OPTN: variants seen among roughly 807,000 people sequenced by gnomAD.
The protein encoded by OPTN is E3-14.7K-interacting protein.
In OPTN, 54 loss-of-function variants were observed where a neutral mutation model predicts 70.4. The ratio of observed to expected loss-of-function variants is 0.77; its 90% confidence interval spans 0.62 to 0.96. The LOEUF is 0.96. Ranked by LOEUF, OPTN falls within the 40% of genes least tolerant of loss-of-function variation. OPTN has a pLI of 0.00. For missense variants in OPTN, 624 were observed against 673.2 expected, an observed-to-expected ratio of 0.93 and a Z score of 0.81; for synonymous variants, 256 against 248.5, an observed-to-expected ratio of 1.03 and a Z score of -0.28.
intron 3 of OPTN, among the ~76,000 whole-genome samples, chr10:13,109,931 C>A (rs1246863837): frequency 1.2e-3 from 5 of 4,106 alleles, no homozygotes; most frequent in African/African-American, 1.3e-3. Context: ...ATCCTGGTAT[C>A]TCAAGATGGC....
chr10:13,126,555 C>T (rs965336986), intron 11 of OPTN, among the ~76,000 whole-genome samples: 1 of 150,964 alleles, frequency 6.6e-6, no homozygotes, highest in Non-Finnish European at 1.5e-5. Context: ...GCTGGGATTA[C>T]AGGCGTGAGC....
At chr10:13,101,081 G>A (rs1308582860) in intron 1 of OPTN, among the ~76,000 whole-genome samples, 2 of 152,220 alleles carry the variant, frequency 1.3e-5, no homozygotes, top group Non-Finnish European at 2.9e-5. Context: ...TTGACCCAGG[G>A]AGAGAAGAGT....
rs781155160 is a variant in OPTN, at chr10:13,124,012, A to G, written c.900A>G (p.Glu300=). ...KGPETVGSEV[E]ALNLQVTSLF... ...TATGATAGGTTGGAAGCGAAGTGGA[A>G]GCACTGAACCTCCAGGTGACATCTC... The change falls in exon 9 of 15, where the codon GAA becomes GAG. Residue 300 remains glutamate, a synonymous_variant. Transcript: ENST00000378747. 7 of 1,613,610 alleles carry G rather than the reference A, an allele frequency of 4.3e-6. No homozygotes were observed. The South Asian group carries it at 6.6e-5, about 15-fold the overall frequency.
At chr10:13,136,070 G>A (rs116449582) in intron 14 of OPTN, among the ~76,000 whole-genome samples, 4,484 of 152,060 alleles carry the variant, frequency 0.029, 104 homozygotes, top group African/African-American at 0.057. Context: ...GCCTGTAGTC[G>A]CAGCTATTCA....
intron 4 of OPTN, 143 bp downstream of exon 4, chr10:13,110,619 T>G: frequency 2.4e-6 from 2 of 845,674 alleles, no homozygotes; most frequent in Admixed American, 2.3e-5. Flanking sequence ...GAAGAAGTGC[T>G]TTTGCTGAAA....
In OPTN at chr10:13,116,483, T is replaced by A. The variant is rs974903758; in HGVS notation, c.626+143T>A. The A allele has an allele frequency of 9.8e-6, 7 of 712,560 alleles. No homozygotes were observed. The East Asian group carries it at 1.8e-4, about 19-fold the overall frequency. The allele number at this position is 712,560 out of a possible 1,614,324, so 44.1% of individuals were successfully genotyped here. ...CCAGGATCTTTCCAGAATATTTGGT[T>A]TGAATGCTATTTAATGTTGCAGCTC... is the stretch of plus-strand genomic sequence containing the variant. On this transcript the variant is annotated intron_variant, in intron 6 of 14. Transcript: ENST00000378747.
At chr10:13,128,318 T>G (rs1440643159) in intron 12 of OPTN, among the ~76,000 whole-genome samples, 1 of 152,120 alleles carries the variant, frequency 6.6e-6, no homozygotes, top group Non-Finnish European at 1.5e-5. Context: ...AACAGAGAGT[T>G]TCCATGGCTC....
At chr10:13,116,191 G>T (rs1235208942) in intron 5 of OPTN, 76 bp from the exon 6 acceptor site, 5 of 1,022,894 alleles carry the variant, frequency 4.9e-6, no homozygotes, top group Non-Finnish European at 4.6e-6. Flanking sequence ...TTCATCTTTT[G>T]TCTTTTTCTT....
At chr10:13,109,042 T>G in intron 2 of OPTN, 70 bp from the exon 3 acceptor site, 2 of 1,409,536 alleles carry the variant, frequency 1.4e-6, no homozygotes, top group Non-Finnish European at 2.0e-6. Context: ...GCCAATGGGT[T>G]TGTGGGACTC....
rs1833008560 is a variant in OPTN, at chr10:13,111,852, T to G, written c.370-601T>G. On this transcript the variant is annotated intron_variant, in intron 4 of 14. Coordinates refer to ENST00000378747, the MANE Select transcript of OPTN (RefSeq NM_001008212.2). ...GTATTTGTTTTTTGACTGTTTTTTT[T>G]TTTTTTTTTTTTTGAGATGGAGTCT... Among the ~76,000 whole-genome samples the G allele has an allele frequency of 5.8e-5, 8 of 138,644 alleles. No individual in the cohort carries two copies. The South Asian group carries it at 2.0e-3, about 34-fold the overall frequency. The allele number at this position is 138,644 out of a possible 152,430, so 91.0% of individuals were successfully genotyped here. A position where few individuals can be genotyped will look rare whatever the true frequency, so the allele number is the denominator to read the frequency against.
At chr10:13,120,179 G>A (rs1406041825) in intron 7 of OPTN, among the ~76,000 whole-genome samples, 4 of 150,910 alleles carry the variant, frequency 2.7e-5, no homozygotes, top group Non-Finnish European at 4.4e-5. Context: ...TAGTAGAGAC[G>A]GGGTTTCACC....
In OPTN at chr10:13,123,730, C is replaced by A. The variant is rs1345522264; in HGVS notation, c.883-265C>A. Among the ~76,000 whole-genome samples the A allele has an allele frequency of 2.0e-5, 3 of 152,132 alleles. No individual in the cohort carries two copies. The East Asian group carries it at 5.8e-4, about 29-fold the overall frequency. On this transcript the variant is annotated intron_variant, in intron 8 of 14. Transcript: ENST00000378747. ...CCTGGAATAGGGTTCATTTTAATAG[C>A]GATAAAGTCATTATCCCAGTGCATC...
intron 6 of OPTN, among the ~76,000 whole-genome samples, chr10:13,117,891 G>A (rs993044158): frequency 7.9e-5 from 12 of 152,320 alleles, no homozygotes; most frequent in South Asian, 6.2e-4. Flanking sequence ...ATATTCTTTC[G>A]TCAAACACAG....
intron 14 of OPTN, among the ~76,000 whole-genome samples, chr10:13,134,359 C>A (rs900094726): frequency 4.6e-5 from 7 of 152,158 alleles, no homozygotes; most frequent in Admixed American, 2.6e-4. Context: ...GTACTTTATT[C>A]CTCTATGTTG....
Position 13,116,337 on chromosome 10 carries a change from G to C in OPTN, c.623G>C (p.Gly208Ala). 1.2e-6 allele frequency: 2 copies of C among 1,612,020 alleles called. No homozygotes were observed. Among genetic ancestry groups the C allele is most frequent in the Non-Finnish European group, 1.7e-6 (2 of 1,178,150 alleles). Residue 208 changes from glycine to alanine, a missense_variant, in exon 6 of 15, where the codon GGC becomes GCC. Transcript: ENST00000378747. ...SPGPTRTVSTGTALSKYRSRS... is the reference protein window; with the variant it reads ...SPGPTRTVSTATALSKYRSRS... ...GGGCCCACGAGAACAGTCTCCACTG[G>C]CACGTATGTGAAGGAAGACTCGGGC...
chr10:13,130,466 C>T (rs1588451801), intron 12 of OPTN, among the ~76,000 whole-genome samples: 1 of 135,168 alleles, frequency 7.4e-6, no homozygotes, highest in Admixed American at 7.7e-5. Context: ...AGACACTGTT[C>T]TTACTGCCTG....
intron 8 of OPTN, chr10:13,122,808 C>T: frequency 3.0e-6 from 1 of 334,998 alleles, no homozygotes. Context: ...TCCCAAGTAG[C>T]TGGGATTACA....
intron 11 of OPTN, among the ~76,000 whole-genome samples, chr10:13,126,687 G>A (rs995732711): frequency 5.9e-5 from 9 of 152,174 alleles, no homozygotes; most frequent in African/African-American, 2.2e-4. Flanking sequence ...CAGCGTGCCT[G>A]CTGTCAGTGA....
At chr10:13,108,402 T>A (rs893549026) in intron 2 of OPTN, 113 bp downstream of exon 2, 3 of 152,238 alleles carry the variant, frequency 2.0e-5, no homozygotes, top group African/African-American at 4.8e-5. Flanking sequence ...CCATGCAATT[T>A]ACTTGAAATA....
Sources: gnomAD v4.1 joint callset for allele counts (sites outside exome capture counted in the v4.1 genomes callset) on GRCh38, gnomAD v4.1.1 for gene constraint, MANE v1.5 for transcripts, NCBI Gene and HGNC (gene_info 2026-07-23, HGNC 2026-07-21) for gene names.